Variants in IGSF5 observed in about 807,000 individuals in gnomAD.
IGSF5 encodes the protein immunoglobulin superfamily 5 like.
Under a neutral mutation model 39.4 loss-of-function variants are expected in IGSF5, and 41 were observed. That is an observed-to-expected ratio of 1.04 (90% CI 0.81 to 1.35). IGSF5 has a LOEUF of 1.35. Ranked by LOEUF, IGSF5 falls within the 40% of genes most tolerant of loss-of-function variation. The probability of loss-of-function intolerance (pLI) is 0.00; values close to 1 mark genes in which losing one functional copy is unlikely to be tolerated. For synonymous variants in IGSF5, 183 were observed against 175.3 expected, an observed-to-expected ratio of 1.04 and a Z score of -0.34; for missense variants, 487 against 494.6, an observed-to-expected ratio of 0.98 and a Z score of 0.15.
chr21:39,794,958 G>A (rs1194812409), intron 8 of IGSF5, among the ~76,000 whole-genome samples: 1 of 152,116 alleles, frequency 6.6e-6, no homozygotes, highest in Non-Finnish European at 1.5e-5. Context: ...CCTGTAGGGG[G>A]GAAGGGAGTG....
At chr21:39,756,109 A>G (rs1170466254) in intron 2 of IGSF5, among the ~76,000 whole-genome samples, 12 of 151,922 alleles carry the variant, frequency 7.9e-5, no homozygotes. Context: ...AAACAAACAA[A>G]CAAACAAACA....
chr21:39,735,931 T>C, the IGSF5 span, among the ~76,000 whole-genome samples: 1 of 152,314 alleles, frequency 6.6e-6, no homozygotes, highest in South Asian at 2.1e-4. Context: ...TTCGCCCATT[T>C]CAACTTCTTT....
chr21:39,801,319 G>A lies in IGSF5; in HGVS notation c.1186G>A (p.Ala396Thr), dbSNP rs779270532. Residue 396 changes from alanine to threonine, a missense_variant, in exon 9 of 9, where the codon GCC (alanine) becomes ACC (threonine). Physicochemically the swap from Ala to Thr is moderately conservative, Grantham distance 58. Transcript: ENST00000380588. ...ASHPQASFNLASPEKVSNTTV... is the reference protein window; with the variant it reads ...ASHPQASFNLTSPEKVSNTTV... The stretch of plus-strand genomic sequence containing the variant: ...TCATCCACAGGCTTCTTTTAATCTG[G>A]CCAGTCCTGAGAAGGTCAGTAATAC... 6.2e-7 allele frequency: 1 copy of A among 1,613,884 alleles called. No homozygotes were observed. The highest frequency in any genetic ancestry group is 8.5e-7 in the Non-Finnish European group (1 of 1,179,952).
chr21:39,775,576 A>G (rs1048319099), intron 4 of IGSF5, among the ~76,000 whole-genome samples: 1 of 152,170 alleles, frequency 6.6e-6, no homozygotes, highest in Non-Finnish European at 1.5e-5. Context: ...TTCTTCACAG[A>G]TGGGAAAAGG....
At chr21:39,746,668 A>G (rs1397325732) in intron 2 of IGSF5, among the ~76,000 whole-genome samples, 2 of 48,896 alleles carry the variant, frequency 4.1e-5, no homozygotes, top group Admixed American at 5.2e-4. Context: ...TTGCTGATGG[A>G]ACACAGTTAA....
chr21:39,793,425 C>A, intron 7 of IGSF5, 109 bp from the exon 8 acceptor site: 3 of 748,554 alleles, frequency 4.0e-6, no homozygotes, highest in Non-Finnish European at 4.6e-6. Flanking sequence ...AAGGATTATG[C>A]CAGCGGTACT....
intron 2 of IGSF5, among the ~76,000 whole-genome samples, chr21:39,764,205 G>A (rs2080074519): frequency 6.6e-6 from 1 of 152,092 alleles, no homozygotes; most frequent in South Asian, 2.1e-4. Flanking sequence ...TCCCTTTCAC[G>A]TGTTGTTCTT....
In IGSF5 at chr21:39,771,065, GT is replaced by G. The variant is rs1286655391; in HGVS notation, c.570del (p.Pro191ArgfsTer10). 9 of 1,613,632 alleles carry G rather than the reference GT, an allele frequency of 5.6e-6. No homozygotes were observed. In the South Asian group the frequency reaches 6.6e-5, roughly 12 times the overall value. On this transcript the variant is annotated frameshift_variant, in exon 4 of 9. Transcript: ENST00000380588. LOFTEE classifies it high-confidence loss of function. ...GGTCAGCCATTCAAGCTATTATTTT[GT>G]TCCGGAGCCCAGCGACCTTCAAAGT... is the stretch of plus-strand genomic sequence containing the variant. ...LLVSHSSYYF[V>X]PEPSDLQSAV...
chr21:39,782,466 G>C (rs1199180007), intron 5 of IGSF5, among the ~76,000 whole-genome samples: 1 of 151,970 alleles, frequency 6.6e-6, no homozygotes, highest in African/African-American at 2.4e-5. Flanking sequence ...TACAGATCTA[G>C]GTTCATCTTG....
chr21:39,743,158 C>T (rs1433573756), upstream of IGSF5, among the ~76,000 whole-genome samples: 1 of 152,160 alleles, frequency 6.6e-6, no homozygotes, highest in Admixed American at 6.5e-5. Context: ...TCTCCATGTT[C>T]TGATTCTGTG....
chr21:39,800,064 A>G (rs1406261826), intron 8 of IGSF5, among the ~76,000 whole-genome samples: 1 of 152,224 alleles, frequency 6.6e-6, no homozygotes, highest in East Asian at 1.9e-4. Flanking sequence ...GCTGAAACAC[A>G]TTAGGGTAAA....
chr21:39,789,605 T>C (rs2146292881), intron 6 of IGSF5, among the ~76,000 whole-genome samples: 1 of 152,298 alleles, frequency 6.6e-6, no homozygotes, highest in African/African-American at 2.4e-5. Flanking sequence ...ATTAAAATTA[T>C]ATGTATATAG....
chr21:39,733,941 C>T, the IGSF5 span, among the ~76,000 whole-genome samples: 1 of 152,230 alleles, frequency 6.6e-6, no homozygotes, highest in South Asian at 2.1e-4. Flanking sequence ...CGAATTCGGG[C>T]CCACCATCCT....
the IGSF5 span, among the ~76,000 whole-genome samples, chr21:39,727,590 A>G: frequency 6.6e-6 from 1 of 152,232 alleles, no homozygotes; most frequent in Non-Finnish European, 1.5e-5. Context: ...ATAAGCGCTG[A>G]TAGAAATCTA....
chr21:39,785,368 G>T (rs1263912232), intron 5 of IGSF5, among the ~76,000 whole-genome samples: 1 of 152,118 alleles, frequency 6.6e-6, no homozygotes, highest in Non-Finnish European at 1.5e-5. Flanking sequence ...GATAGTTGTA[G>T]ATATGCGGTG....
chr21:39,785,307 A>C (rs1424180188), intron 5 of IGSF5, among the ~76,000 whole-genome samples: 1 of 152,084 alleles, frequency 6.6e-6, no homozygotes, highest in Non-Finnish European at 1.5e-5. Flanking sequence ...CATTTATTAA[A>C]TAGGGAATCC....
intron 4 of IGSF5, among the ~76,000 whole-genome samples, chr21:39,776,052 G>A (rs142730993): frequency 6.6e-5 from 10 of 152,188 alleles, no homozygotes; most frequent in African/African-American, 2.4e-4. Flanking sequence ...ATCATTCCAA[G>A]AGTCTGTGTT....
the IGSF5 span, among the ~76,000 whole-genome samples, chr21:39,732,896 C>T: frequency 5.9e-5 from 9 of 151,762 alleles, no homozygotes; most frequent in South Asian, 2.1e-4. Flanking sequence ...TGTGGTGGCA[C>T]GTGCCTGTAG....
At chr21:39,730,957 T>C in the IGSF5 span, among the ~76,000 whole-genome samples, 2 of 152,200 alleles carry the variant, frequency 1.3e-5, no homozygotes, top group East Asian at 1.9e-4. Context: ...AGACTGTGCA[T>C]GTTTTAAAGG....
Sources: gnomAD v4.1 joint callset for allele counts (sites outside exome capture counted in the v4.1 genomes callset) on GRCh38, gnomAD v4.1.1 for gene constraint, MANE v1.5 for transcripts, NCBI Gene and HGNC (gene_info 2026-07-23, HGNC 2026-07-21) for gene names.